Variants in TLE1 observed in about 807,000 individuals in gnomAD.
TLE1 encodes the protein transducin-like enhancer protein 1.
In TLE1, 21 loss-of-function variants were observed where a neutral mutation model predicts 89.8. The observed-to-expected ratio is 0.23, with a 90% CI of 0.17 to 0.34. TLE1 has a LOEUF of 0.34. TLE1 is among the 10% of genes least tolerant of loss of function. TLE1 has a pLI of 1.00. For missense variants in TLE1, 795 were observed against 1,031.2 expected (o/e 0.77, Z 3.14); for synonymous variants, 447 against 407.6 (o/e 1.10, Z -1.16).
At position 81,688,381 on chromosome 9, in the gene TLE1, G is replaced by A. The variant is rs1341048020; in HGVS notation, c.-141C>T. ...GCTGGCCACGCACGCGCGCTCCGCC[G>A]GGCGCACCGGCCACTCGGCGCCCGC... On this transcript the variant is annotated 5_prime_UTR_variant, in exon 1 of 20. Coordinates refer to ENST00000376499, the MANE Select transcript of TLE1 (RefSeq NM_005077.5). 8.2e-6 allele frequency: 8 copies of A among 974,610 alleles called. No homozygotes were observed. The Admixed American group carries it at 1.7e-4, about 21-fold the overall frequency. The allele number at this position is 974,610 out of a possible 1,614,324, so 60.4% of individuals were successfully genotyped here.
intron 4 of TLE1, among the ~76,000 whole-genome samples, chr9:81,664,643 C>T (rs1831228713): frequency 6.6e-6 from 1 of 150,530 alleles, no homozygotes; most frequent in African/African-American, 2.4e-5. Flanking sequence ...CAGGAGGATA[C>T]CTTGAGCCCA....
intron 8 of TLE1, among the ~76,000 whole-genome samples, chr9:81,625,634 T>C (rs1315158730): frequency 2.0e-5 from 3 of 152,052 alleles, no homozygotes; most frequent in Non-Finnish European, 4.4e-5. Flanking sequence ...AGTAGGTGGG[T>C]TGACTGAACC....
chr9:81,613,235 T>C, intron 12 of TLE1, 142 bp downstream of exon 12: 1 of 1,196,710 alleles, frequency 8.4e-7, no homozygotes, highest in Non-Finnish European at 1.2e-6. Context: ...TTTCTTATCA[T>C]GGCTTTTTCA....
intron 14 of TLE1, among the ~76,000 whole-genome samples, chr9:81,596,719 C>G (rs1182536574): frequency 1.3e-5 from 2 of 152,142 alleles, no homozygotes; most frequent in African/African-American, 4.8e-5. Context: ...GAATTTCGAA[C>G]ACAGGCAAAA....
chr9:81,666,901 G>A (rs12003063), intron 4 of TLE1, among the ~76,000 whole-genome samples: 4,007 of 152,072 alleles, frequency 0.026, 155 homozygotes, highest in African/African-American at 0.082. Flanking sequence ...GAGGATCACC[G>A]CAGAGCAGGA....
chr9:81,675,700 T>TTTG (rs1832797334), intron 4 of TLE1, among the ~76,000 whole-genome samples: 1 of 139,720 alleles, frequency 7.2e-6, no homozygotes, highest in African/African-American at 2.9e-5. Flanking sequence ...TCACACTAGT[T>TTTG]TTTTTTTGTT....
At chr9:81,645,802 T>C (rs551753020) in intron 6 of TLE1, among the ~76,000 whole-genome samples, 1 of 152,300 alleles carries the variant, frequency 6.6e-6, no homozygotes, top group East Asian at 1.9e-4. Context: ...AGATACCCCA[T>C]TCTTTATGAT....
intron 16 of TLE1, among the ~76,000 whole-genome samples, chr9:81,588,883 C>A (rs902051401): frequency 6.6e-6 from 1 of 152,184 alleles, no homozygotes; most frequent in African/African-American, 2.4e-5. Flanking sequence ...CCTTATCATT[C>A]CTGTAGAGCT....
intron 6 of TLE1, among the ~76,000 whole-genome samples, chr9:81,650,884 T>A (rs955992749): frequency 1.3e-5 from 2 of 152,226 alleles, no homozygotes; most frequent in African/African-American, 4.8e-5. Context: ...GTCACCCTCC[T>A]AGTTTATTTC....
intron 4 of TLE1, among the ~76,000 whole-genome samples, chr9:81,663,071 C>G: frequency 6.6e-6 from 1 of 152,222 alleles, no homozygotes; most frequent in East Asian, 1.9e-4. Flanking sequence ...GTCTCGAACT[C>G]CTTACCTCAA....
At position 81,620,511 on chromosome 9, in the gene TLE1, C is replaced by A. The variant is rs889353054; in HGVS notation, c.641G>T (p.Arg214Leu). The change falls in exon 9 of 20, where the codon CGC becomes CTC. Residue 214 changes from arginine to leucine, a missense_variant. Arg to Leu is a moderately radical substitution (Grantham distance 102). Around this residue, in one of 4 missense-constraint regions of TLE1, gnomAD observed 468 missense variants for 509.1 expected, o/e 0.92. Transcript: ENST00000376499. ...ATTGGAAAATTCAGGTCCATTTCTG[C>A]GTTTATCTGTGCCTCTTAGACTGTC... is the stretch of plus-strand genomic sequence containing the variant. ...VPDSLRGTDK[R>L]RNGPEFSNDI... is the part of the protein sequence containing the mutation. 1 of 1,614,060 alleles carries A rather than the reference C, an allele frequency of 6.2e-7. No homozygotes were observed. Among genetic ancestry groups the A allele is most frequent in the Non-Finnish European group, 8.5e-7 (1 of 1,179,996 alleles).
intron 4 of TLE1, among the ~76,000 whole-genome samples, chr9:81,681,444 G>T (rs1833612643): frequency 6.6e-6 from 1 of 152,002 alleles, no homozygotes; most frequent in South Asian, 2.1e-4. Flanking sequence ...CAACTACTGA[G>T]GAGGCTGAGG....
intron 7 of TLE1, 197 bp from the exon 8 acceptor site, chr9:81,633,561 T>A (rs923590142): frequency 8.5e-6 from 6 of 709,392 alleles, no homozygotes; most frequent in Non-Finnish European, 1.4e-5. Flanking sequence ...AACATAAGAT[T>A]TACAGTTTAA....
intron 14 of TLE1, among the ~76,000 whole-genome samples, chr9:81,595,570 G>C (rs1223516253): frequency 6.6e-6 from 1 of 152,098 alleles, no homozygotes; most frequent in Non-Finnish European, 1.5e-5. Context: ...TGTAATCCCA[G>C]CACTCTGGGA....
In TLE1 at chr9:81,593,228, G is replaced by C; in HGVS notation, c.1378C>G (p.Pro460Ala). The part of the protein sequence containing the change: ...VTADGQMQPV[P>A]FPPDALIGPG... ...CCGATGAGGGCGTCGGGGGGAAAAG[G>C]GACAGGCTGCATCTGACCGTCTGCA... The change falls in exon 15 of 20, where the codon CCT (proline) becomes GCT (alanine). Residue 460 changes from proline (P) to alanine (A), a missense_variant. Coordinates refer to ENST00000376499, the MANE Select transcript of TLE1 (RefSeq NM_005077.5). 6.2e-7 allele frequency: 1 copy of C among 1,614,160 alleles called. No individual in the cohort carries two copies. The highest frequency in any genetic ancestry group is 8.5e-7 in the Non-Finnish European group (1 of 1,180,026).
intron 8 of TLE1, among the ~76,000 whole-genome samples, chr9:81,623,616 TTA>T (rs367727653): frequency 0.3 from 25,335 of 84,278 alleles, 2,831 homozygotes; most frequent in East Asian, 0.5. Context: ...CCATCTGTAC[TTA>T]AAAAAAAAAA....
chr9:81,686,624 G>A (rs564333921), intron 2 of TLE1, among the ~76,000 whole-genome samples: 2 of 152,246 alleles, frequency 1.3e-5, no homozygotes, highest in African/African-American at 4.8e-5. Context: ...GTTAGAATCA[G>A]GTAAAACTTC....
chr9:81,620,597 CCT>C, intron 8 of TLE1, 40 bp from the exon 9 acceptor site: 1 of 1,593,634 alleles, frequency 6.3e-7, no homozygotes, highest in Non-Finnish European at 8.5e-7. Context: ...TCTTCCCAAG[CCT>C]CTTTGTACAC....
chr9:81,593,126 T>C lies in TLE1; in HGVS notation c.1480A>G (p.Asn494Asp). The C allele has an allele frequency of 6.2e-7, 1 of 1,614,200 alleles. No individual in the cohort carries two copies. The highest frequency in any genetic ancestry group is 8.5e-7 in the Non-Finnish European group (1 of 1,180,036). Reference protein sequence around the residue: ...GEVVCAVTISNPTRHVYTGGK... With the variant: ...GEVVCAVTISDPTRHVYTGGK... ...CCTGTGTACACGTGTCTCGTGGGGT[T>C]GCTGATGGTCACAGCGCACACCACC... The change falls in exon 15 of 20, where the codon AAC (asparagine) becomes GAC (aspartate). Residue 494 changes from asparagine (N) to aspartate (D), a missense_variant. Transcript: ENST00000376499.
Sources: allele counts gnomAD v4.1 joint callset (sites outside exome capture counted in the v4.1 genomes callset), GRCh38; gene constraint gnomAD v4.1.1; regional missense constraint gnomAD v4.1.1; transcripts MANE v1.5; gene names NCBI Gene and HGNC (gene_info 2026-07-23, HGNC 2026-07-21).